Variants in CDH10 observed in about 807,000 individuals in gnomAD.
The protein encoded by CDH10 is cadherin 10.
A neutral mutation model predicts 73.1 loss-of-function variants in CDH10; 30 were observed. That is an observed-to-expected ratio of 0.41 (90% CI 0.31 to 0.56). The LOEUF (loss-of-function observed/expected upper bound fraction) is 0.56, where lower values mean the gene tolerates loss of function less well. CDH10 is among the 20% of genes least tolerant of loss of function. The pLI, the probability that CDH10 is intolerant of heterozygous loss-of-function variation, is 0.27. For synonymous variants in CDH10, 345 were observed against 348.2 expected, an observed-to-expected ratio of 0.99 and a Z score of 0.10; for missense variants, 815 against 973.7, an observed-to-expected ratio of 0.84 and a Z score of 2.17.
chr5:24,575,352 C>CAAAAAAAAAAAAAAAAAA (rs1388761427), intron 2 of CDH10, among the ~76,000 whole-genome samples: 3 of 47,196 alleles, frequency 6.4e-5, no homozygotes, highest in Non-Finnish European at 7.8e-5. Context: ...ACAACAAAAA[C>CAAAAAAAAAAAAAAAAAA]AACAAAAAAA....
rs2111893821 is a variant in CDH10, at chr5:24,537,470, A to T, written c.436T>A (p.Phe146Ile). The change falls in exon 3 of 12, where the codon TTT becomes ATT. Residue 146 changes from phenylalanine (F) to isoleucine (I), a missense_variant. Coordinates refer to ENST00000264463, the MANE Select transcript of CDH10 (RefSeq NM_006727.5). Reference protein sequence around the residue: ...TLRPVEPESEFVIKIHDINDN... With the variant: ...TLRPVEPESEIVIKIHDINDN... ...TTGATATCATGAATTTTGATCACAAACTCTGACTCTGGCTCTACTGGCCTC... is the reference window on the plus strand; with the variant it reads ...TTGATATCATGAATTTTGATCACAATCTCTGACTCTGGCTCTACTGGCCTC... 6.2e-7 allele frequency: 1 copy of T among 1,612,772 alleles called. No individual in the cohort carries two copies. Among genetic ancestry groups the T allele is most frequent in the Non-Finnish European group, 8.5e-7 (1 of 1,179,082 alleles).
chr5:24,586,843 C>CTTTTTTTTTTTTTTTTTTTTTTTTT lies in CDH10; in HGVS notation c.231+6416_231+6417insAAAAAAAAAAAAAAAAAAAAAAAAA, dbSNP rs1001227038. On this transcript the variant is annotated intron_variant, in intron 2 of 11. Transcript: ENST00000264463. ...GTAAAACAATAAGATAGCCCATATTCTTTTTTTTTTTTTTTTTTTGAGCCG... is the reference window on the plus strand; with the variant it reads ...GTAAAACAATAAGATAGCCCATATTCTTTTTTTTTTTTTTTTTTTTTTTTTTTTTTTTTTTTTTTTTTTTGAGCCG... 1.6e-4 allele frequency among the ~76,000 whole-genome samples: 16 copies of CTTTTTTTTTTTTTTTTTTTTTTTTT among 102,758 alleles called. 2 individuals carry two copies. Among genetic ancestry groups the CTTTTTTTTTTTTTTTTTTTTTTTTT allele is most frequent in the African/African-American group, 3.8e-4 (9 of 23,782 alleles). 67.4% of individuals were successfully genotyped at this position (102,758 alleles called of 152,430 possible). A position where few individuals can be genotyped will look rare whatever the true frequency, so the allele number is the denominator to read the frequency against.
At position 24,606,138 on chromosome 5, in the gene CDH10, T is replaced by C. The variant is rs140610858; in HGVS notation, c.-123-12525A>G. On this transcript the variant is annotated intron_variant, in intron 1 of 11. Coordinates refer to ENST00000264463, the MANE Select transcript of CDH10 (RefSeq NM_006727.5). ...TCCATGTTGACTACAGTGGTAGTTA[T>C]AAAACTGTAGGCATTTATCAAAATT... 2.1e-3 allele frequency among the ~76,000 whole-genome samples: 320 copies of C among 152,306 alleles called. 2 individuals carry two copies. Among genetic ancestry groups the C allele is most frequent in the African/African-American group, 7.0e-3 (292 of 41,562 alleles).
At chr5:24,513,129 G>A (rs11740564) in intron 5 of CDH10, among the ~76,000 whole-genome samples, 2 of 151,054 alleles carry the variant, frequency 1.3e-5, no homozygotes, top group African/African-American at 2.4e-5. Context: ...AGTGATTCTC[G>A]TGCCTCAGCC....
intron 2 of CDH10, among the ~76,000 whole-genome samples, chr5:24,583,398 G>A (rs1745872469): frequency 1.3e-5 from 2 of 152,160 alleles, no homozygotes; most frequent in African/African-American, 2.4e-5. Context: ...AGTTTTAACT[G>A]TATACCTTTT....
At chr5:24,490,235 T>C (rs917915024) in intron 11 of CDH10, among the ~76,000 whole-genome samples, 5 of 152,112 alleles carry the variant, frequency 3.3e-5, no homozygotes, top group African/African-American at 1.2e-4. Context: ...ATTATTCATA[T>C]TTGCAATTGT....
chr5:24,535,252 A>C lies in CDH10; in HGVS notation c.674T>G (p.Met225Arg), dbSNP rs750683940. 1 of 1,612,974 alleles carries C rather than the reference A, an allele frequency of 6.2e-7. No homozygotes were observed. Among genetic ancestry groups the C allele is most frequent in the Non-Finnish European group, 8.5e-7 (1 of 1,179,488 alleles). The stretch of plus-strand genomic sequence containing the variant: ...GTATTGCTCTCTGTTTTCTCTGTTC[A>C]TGTTCGGTAAAGCAGTCCTGATGAT... Reference protein sequence around the residue: ...TGIIRTALPNMNRENREQYQV... With the variant: ...TGIIRTALPNRNRENREQYQV... The change falls in exon 5 of 12, where the codon ATG (methionine) becomes AGG (arginine). Residue 225 changes from methionine (M) to arginine (R), a missense_variant. Physicochemically the swap from Met to Arg is moderately conservative, Grantham distance 91. Transcript: ENST00000264463.
chr5:24,620,169 A>C (rs1747263966), intron 1 of CDH10, among the ~76,000 whole-genome samples: 1 of 152,176 alleles, frequency 6.6e-6, no homozygotes, highest in Non-Finnish European at 1.5e-5. Flanking sequence ...TCACACGTTA[A>C]TAGGCATAAT....
intron 1 of CDH10, among the ~76,000 whole-genome samples, chr5:24,635,005 GA>G (rs34611268): frequency 0.75 from 109,409 of 145,176 alleles, 41,360 homozygotes; most frequent in Middle Eastern, 0.85. Context: ...GCCAAAAAAG[GA>G]AAAAAAAAAA....
At chr5:24,568,131 G>A (rs541098044) in intron 2 of CDH10, among the ~76,000 whole-genome samples, 4 of 152,168 alleles carry the variant, frequency 2.6e-5, no homozygotes, top group African/African-American at 9.6e-5. Context: ...AGTTTTTAAT[G>A]TAAGTAGCTT....
intron 2 of CDH10, among the ~76,000 whole-genome samples, chr5:24,546,650 A>C (rs1398715488): frequency 6.6e-6 from 1 of 152,188 alleles, no homozygotes; most frequent in Non-Finnish European, 1.5e-5. Context: ...ATGGGTATAC[A>C]TATATAATTT....
At chr5:24,520,601 T>C (rs902408956) in intron 5 of CDH10, among the ~76,000 whole-genome samples, 2 of 152,238 alleles carry the variant, frequency 1.3e-5, no homozygotes, top group African/African-American at 4.8e-5. Context: ...TATATGCACA[T>C]GTAAAGTATT....
chr5:24,573,889 A>C (rs1745493727), intron 2 of CDH10, among the ~76,000 whole-genome samples: 1 of 148,352 alleles, frequency 6.7e-6, no homozygotes. Flanking sequence ...TATATAAAAA[A>C]TATATATATT....
chr5:24,573,162 A>G (rs1057305998), intron 2 of CDH10, among the ~76,000 whole-genome samples: 2 of 151,938 alleles, frequency 1.3e-5, no homozygotes, highest in Admixed American at 1.3e-4. Flanking sequence ...TGAAAAATAA[A>G]TATATAAATA....
intron 1 of CDH10, among the ~76,000 whole-genome samples, chr5:24,621,023 T>C (rs1300697422): frequency 6.6e-6 from 1 of 152,198 alleles, no homozygotes; most frequent in African/African-American, 2.4e-5. Context: ...AGATTGAAAC[T>C]GGGATATATC....
At position 24,491,490 on chromosome 5, in the gene CDH10, T is replaced by TG. The variant is rs1357812160; in HGVS notation, c.1876+85dup. 1.3e-5 allele frequency: 16 copies of TG among 1,202,980 alleles called. No homozygotes were observed. The East Asian group carries it at 3.3e-4, about 25-fold the overall frequency. 74.5% of individuals were successfully genotyped at this position (1,202,980 alleles called of 1,614,324 possible). On this transcript the variant is annotated intron_variant, in intron 11 of 11. Coordinates refer to ENST00000264463, the MANE Select transcript of CDH10 (RefSeq NM_006727.5). ...TCTATCTTAAAATTTGGGGTGGTTT[T>TG]GGGGGAGGGATTTTAATAGCCACAA...
At chr5:24,622,558 A>T (rs1020549582) in intron 1 of CDH10, among the ~76,000 whole-genome samples, 1 of 152,214 alleles carries the variant, frequency 6.6e-6, no homozygotes, top group Non-Finnish European at 1.5e-5. Flanking sequence ...TTACCATTCT[A>T]AAGCCCAGCC....
chr5:24,618,657 T>C (rs77742367), intron 1 of CDH10, among the ~76,000 whole-genome samples: 5,475 of 152,306 alleles, frequency 0.036, 147 homozygotes, highest in Non-Finnish European at 0.056. Context: ...CGCTGGTCAC[T>C]TTAAAGAATC....
intron 1 of CDH10, among the ~76,000 whole-genome samples, chr5:24,594,799 A>G (rs765027448): frequency 2.6e-5 from 4 of 151,832 alleles, no homozygotes; most frequent in Non-Finnish European, 5.9e-5. Context: ...TTATTTATTT[A>G]TTTATTTATT....
Sources: gnomAD v4.1 joint callset for allele counts (sites outside exome capture counted in the v4.1 genomes callset) on GRCh38, gnomAD v4.1.1 for gene constraint, MANE v1.5 for transcripts, NCBI Gene and HGNC (gene_info 2026-07-23, HGNC 2026-07-21) for gene names.